Variants in AMOTL1 observed in about 807,000 individuals in gnomAD.
AMOTL1 encodes angiomotin like 1.
AMOTL1 carries 45 observed loss-of-function variants against 102.9 expected under a neutral mutation model. The ratio of observed to expected loss-of-function variants is 0.44; its 90% CI spans 0.34 to 0.56. AMOTL1 has a LOEUF of 0.56. Among genes scored for constraint, AMOTL1 ranks in the 20% least tolerant of loss-of-function variants. AMOTL1 has a pLI of 0.01. For missense variants in AMOTL1, 1,114 were observed against 1,225.6 expected (o/e 0.91, Z 1.36); for synonymous variants, 481 against 484.7 (o/e 0.99, Z 0.10).
At chr11:94,837,356 T>C (rs965631724) in intron 6 of AMOTL1, among the ~76,000 whole-genome samples, 1 of 152,228 alleles carries the variant, frequency 6.6e-6, no homozygotes, top group African/African-American at 2.4e-5. Flanking sequence ...GCAGAGTCTA[T>C]AAAATACATG....
upstream of AMOTL1, among the ~76,000 whole-genome samples, chr11:94,765,884 C>T (rs1950849647): frequency 6.6e-6 from 1 of 152,166 alleles, no homozygotes; most frequent in South Asian, 2.1e-4. Context: ...CTCTGTCCTC[C>T]ACTTCTCACC....
At chr11:94,854,464 C>T (rs1952618165) in intron 8 of AMOTL1, among the ~76,000 whole-genome samples, 1 of 152,162 alleles carries the variant, frequency 6.6e-6, no homozygotes, top group African/African-American at 2.4e-5. Context: ...ATAGCACGTC[C>T]AGGGTAGCAG....
intron 3 of AMOTL1, among the ~76,000 whole-genome samples, chr11:94,753,753 T>C (rs1950686650): frequency 6.6e-6 from 1 of 152,200 alleles, no homozygotes; most frequent in African/African-American, 2.4e-5. Flanking sequence ...TGATTCTCAA[T>C]AACAGATTCT....
At chr11:94,842,037 G>A (rs1952313346) in intron 6 of AMOTL1, among the ~76,000 whole-genome samples, 3 of 152,144 alleles carry the variant, frequency 2.0e-5, no homozygotes, top group African/African-American at 2.4e-5. Flanking sequence ...ACTATGTTAA[G>A]ACAAAAATGT....
intron 1 of AMOTL1, among the ~76,000 whole-genome samples, chr11:94,785,713 G>A (rs538016061): frequency 1.3e-5 from 2 of 152,260 alleles, no homozygotes; most frequent in East Asian, 3.9e-4. Context: ...ACACTAATAG[G>A]GTCCGGAAAG....
At position 94,785,156 on chromosome 11, in the gene AMOTL1, G is replaced by A. The variant is rs373324793; in HGVS notation, c.50-9855G>A. Among the ~76,000 whole-genome samples the A allele has an allele frequency of 5.3e-5, 8 of 152,236 alleles. No individual in the cohort carries two copies. The South Asian group carries it at 1.7e-3, about 32-fold the overall frequency. On this transcript the variant is annotated intron_variant, in intron 1 of 12. Coordinates refer to ENST00000433060, the MANE Select transcript of AMOTL1 (RefSeq NM_130847.3). Reference sequence around the variant, plus strand: ...TCCTTCTCTGCCTCATACATGGAGAGAAATAAACTTTCCCAGGACCTTTCC... The same window carrying A: ...TCCTTCTCTGCCTCATACATGGAGAAAAATAAACTTTCCCAGGACCTTTCC...
chr11:94,726,090 G>C (rs945548794), intron 1 of AMOTL1, among the ~76,000 whole-genome samples: 1 of 152,194 alleles, frequency 6.6e-6, no homozygotes, highest in Non-Finnish European at 1.5e-5. Context: ...AAAGCATAGT[G>C]ATCAGTTGGA....
At chr11:94,831,382 T>A (rs1952067416) in intron 5 of AMOTL1, 70 bp from the exon 6 acceptor site, 1 of 1,310,470 alleles carries the variant, frequency 7.6e-7, no homozygotes, top group African/African-American at 1.5e-5. Flanking sequence ...GGCACATATT[T>A]CATTTCTTGG....
chr11:94,761,536 T>C lies in AMOTL1; in HGVS notation c.136+20548T>C, dbSNP rs772816808. Among the ~76,000 whole-genome samples, 45 of 152,188 alleles carry C rather than the reference T, an allele frequency of 3.0e-4. 1 individual carries two copies. Among genetic ancestry groups the C allele is most frequent in the Non-Finnish European group, 7.3e-5 (5 of 68,032 alleles). The stretch of plus-strand genomic sequence containing the variant: ...ATTTCTAATTTTTTTCTAGTTATTT[T>C]TAATTATTCCTCTCTCTCTCCCAAT... On this transcript the variant is annotated intron_variant, in intron 3 of 4. Transcript: ENST00000299004.
rs367827129 is a variant in AMOTL1, at chr11:94,869,448, G to A, written c.2739G>A (p.Ala913=). ...ACAGCCCCGTCCTGAAACACCCAGCGGCCAAAGGGACCGCAGAGAAACTGG... is the reference window on the plus strand; with the variant it reads ...ACAGCCCCGTCCTGAAACACCCAGCAGCCAAAGGGACCGCAGAGAAACTGG... ...PAHSPVLKHP[A]AKGTAEKLEN... Residue 913 remains alanine, a synonymous_variant, in exon 12 of 13, where the codon GCG becomes GCA. Transcript: ENST00000433060. The A allele has an allele frequency of 8.8e-5, 141 of 1,602,688 alleles. No homozygotes were observed. The highest frequency in any genetic ancestry group is 2.1e-4 in the African/African-American group (16 of 74,636).
intron 3 of AMOTL1, among the ~76,000 whole-genome samples, chr11:94,756,487 T>C (rs1235103100): frequency 2.6e-5 from 4 of 152,234 alleles, no homozygotes. Context: ...ATTACTCTTA[T>C]TCGGCTGCAT....
rs1273305163 is a variant in AMOTL1 at position 94,830,131 on chromosome 11, G to T, written c.1495G>T (p.Ala499Ser). The T allele has an allele frequency of 1.2e-6, 2 of 1,611,106 alleles. No homozygotes were observed. Among genetic ancestry groups the T allele is most frequent in the African/African-American group, 1.3e-5 (1 of 74,892 alleles). The change falls in exon 5 of 13, where the codon GCC (alanine) becomes TCC (serine). Residue 499 changes from alanine (A) to serine (S), a missense_variant. Transcript: ENST00000433060. ...CACCAAGCGAGAATCGCTGGACAAG[G>T]CCATGAGAAACAAATTGGAAGGCGA... Reference protein sequence around the residue: ...STTKRESLDKAMRNKLEGEIR... With the variant: ...STTKRESLDKSMRNKLEGEIR...
At chr11:94,728,085 C>T (rs1232744188) in intron 1 of AMOTL1, among the ~76,000 whole-genome samples, 1 of 152,164 alleles carries the variant, frequency 6.6e-6, no homozygotes, top group Non-Finnish European at 1.5e-5. Context: ...TGTGGATGTC[C>T]CACTTGCTGC....
At chr11:94,833,626 T>C (rs918272868) in intron 6 of AMOTL1, among the ~76,000 whole-genome samples, 2 of 152,226 alleles carry the variant, frequency 1.3e-5, no homozygotes, top group African/African-American at 4.8e-5. Flanking sequence ...TATGATTTCA[T>C]TGTTTCCAAG....
intron 3 of AMOTL1, among the ~76,000 whole-genome samples, chr11:94,819,547 T>C (rs544929610): frequency 6.6e-6 from 1 of 152,314 alleles, no homozygotes; most frequent in East Asian, 1.9e-4. Flanking sequence ...CTCAAAATAA[T>C]GCAACCAATT....
intron 3 of AMOTL1, among the ~76,000 whole-genome samples, chr11:94,749,138 T>C (rs1337787679): frequency 6.6e-6 from 1 of 152,204 alleles, no homozygotes; most frequent in Non-Finnish European, 1.5e-5. Context: ...ATGGAAGCCA[T>C]GGTGAGCCTC....
intron 1 of AMOTL1, among the ~76,000 whole-genome samples, chr11:94,720,375 C>A (rs898918812): frequency 6.6e-6 from 1 of 152,140 alleles, no homozygotes; most frequent in African/African-American, 2.4e-5. Flanking sequence ...GAAGCCCAGA[C>A]TGTGGCTGGT....
intron 4 of AMOTL1, among the ~76,000 whole-genome samples, chr11:94,827,711 G>T (rs1453117869): frequency 6.6e-6 from 1 of 152,298 alleles, no homozygotes; most frequent in Middle Eastern, 3.4e-3. Flanking sequence ...GGGAACCTTG[G>T]TTATCTCAGC....
chr11:94,820,177 C>A (rs1445143709), intron 3 of AMOTL1: 1 of 152,174 alleles, frequency 6.6e-6, no homozygotes, highest in Non-Finnish European at 1.5e-5. Context: ...ATTTTCCCGA[C>A]TTCCCTTCTC....
Sources: gnomAD v4.1 joint callset for allele counts (sites outside exome capture counted in the v4.1 genomes callset) on GRCh38, gnomAD v4.1.1 for gene constraint, MANE v1.5 for transcripts, NCBI Gene and HGNC (gene_info 2026-07-23, HGNC 2026-07-21) for gene names.